The following SLC7A7 variants were observed in gnomAD, a reference collection of about 807,000 sequenced individuals.
SLC7A7 encodes the protein Y+L amino acid transporter 1.
In SLC7A7, 39 loss-of-function variants were observed where a neutral mutation model predicts 47.9. The observed-to-expected ratio is 0.81, with a 90% CI of 0.63 to 1.06. The LOEUF is 1.06. Ranked by LOEUF, SLC7A7 falls within the 50% of genes least tolerant of loss-of-function variation. The pLI is 0.00. For synonymous variants in SLC7A7, 234 were observed against 242.8 expected (o/e 0.96, Z 0.34); for missense variants, 588 against 632.0 (o/e 0.93, Z 0.75).
intron 2 of SLC7A7, among the ~76,000 whole-genome samples, chr14:22,783,436 C>T (rs966173137): frequency 1.5e-4 from 22 of 144,276 alleles, no homozygotes; most frequent in African/African-American, 5.7e-4. Flanking sequence ...AGTCTTGCTC[C>T]GTCCCCCAGG....
intron 2 of SLC7A7, 45 bp from the exon 3 acceptor site, chr14:22,780,096 T>G (rs2038692129): frequency 6.2e-7 from 1 of 1,611,656 alleles, no homozygotes; most frequent in East Asian, 2.2e-5. Flanking sequence ...CTTACCACCC[T>G]AGGGCCTTAG....
At chr14:22,806,678 A>G (rs2039215231) in intron 2 of SLC7A7, among the ~76,000 whole-genome samples, 1 of 152,062 alleles carries the variant, frequency 6.6e-6, no homozygotes, top group Non-Finnish European at 1.5e-5. Context: ...GTGTGCATGA[A>G]GGATTATGGG....
At chr14:22,777,821 C>A (rs1323288977) in intron 4 of SLC7A7, among the ~76,000 whole-genome samples, 1 of 152,230 alleles carries the variant, frequency 6.6e-6, no homozygotes, top group Non-Finnish European at 1.5e-5. Flanking sequence ...TGCCTGTAAT[C>A]CCAGCACTTT....
At chr14:22,801,259 C>T (rs2039107994) in intron 2 of SLC7A7, among the ~76,000 whole-genome samples, 1 of 152,096 alleles carries the variant, frequency 6.6e-6, no homozygotes, top group South Asian at 2.1e-4. Flanking sequence ...TGCAGCCCAC[C>T]CTGAACTCCT....
At chr14:22,783,496 G>A (rs893224206) in intron 2 of SLC7A7, among the ~76,000 whole-genome samples, 1 of 151,756 alleles carries the variant, frequency 6.6e-6, no homozygotes, top group Admixed American at 6.6e-5. Context: ...CGCCTCCTGG[G>A]TTCAAGCGGT....
intron 2 of SLC7A7, among the ~76,000 whole-genome samples, chr14:22,795,427 T>TA (rs2039001989): frequency 1.4e-5 from 2 of 139,404 alleles, no homozygotes; most frequent in Admixed American, 7.8e-5. Context: ...TCTTTCTTTC[T>TA]TTCTTTCTTT....
chr14:22,804,830 C>T (rs917959858), intron 2 of SLC7A7, among the ~76,000 whole-genome samples: 2 of 151,400 alleles, frequency 1.3e-5, no homozygotes, highest in Admixed American at 6.6e-5. Context: ...CCGTCTCTAA[C>T]AATACAAAAT....
intron 2 of SLC7A7, 195 bp from the exon 3 acceptor site, chr14:22,780,246 T>G: frequency 1.7e-6 from 1 of 584,380 alleles, no homozygotes; most frequent in Non-Finnish European, 3.0e-6. Flanking sequence ...GCCTCTATAC[T>G]CCCCACCCCC....
chr14:22,774,176 AC>A, intron 8 of SLC7A7, 60 bp from the exon 9 acceptor site: 1 of 1,600,778 alleles, frequency 6.2e-7, no homozygotes, highest in East Asian at 2.2e-5. Flanking sequence ...AGCTAAAATA[AC>A]CCCACCTCCC....
At position 22,773,467 on chromosome 14, in the gene SLC7A7, A is replaced by AAAGT. The variant is rs2038514986; in HGVS notation, c.*139_*142dup. 1.4e-6 allele frequency: 1 copy of AAAGT among 737,852 alleles called. No individual in the cohort carries two copies. The highest frequency in any genetic ancestry group is 2.5e-6 in the Non-Finnish European group (1 of 403,714). 45.7% of individuals were successfully genotyped at this position (737,852 alleles called of 1,614,324 possible). ...ACAAATAAATTACTTTTCATTTCAA[A>AAAGT]AAGTAAGTTCAAAGGTTGAAGCTGC... On this transcript the variant is annotated 3_prime_UTR_variant, in exon 10 of 10. Transcript: ENST00000674313.
At chr14:22,790,998 C>CAAAA (rs34516291) in intron 2 of SLC7A7, among the ~76,000 whole-genome samples, 3 of 113,268 alleles carry the variant, frequency 2.6e-5, no homozygotes, top group Non-Finnish European at 5.1e-5. Flanking sequence ...CTCCGTCTCA[C>CAAAA]AAAAAAAAAA....
Position 22,774,471 on chromosome 14 carries a change from TTC to T in SLC7A7, c.1126_1127del (p.Glu376ArgfsTer7). 6.2e-7 allele frequency: 1 copy of T among 1,614,128 alleles called. No individual in the cohort carries two copies. Among genetic ancestry groups the T allele is most frequent in the Non-Finnish European group, 8.5e-7 (1 of 1,180,018 alleles). On this transcript the variant is annotated frameshift_variant, in exon 8 of 10. Coordinates refer to ENST00000674313, the MANE Select transcript of SLC7A7 (RefSeq NM_003982.4). LOFTEE classifies it high-confidence loss of function. Reference protein sequence around the residue: ...GIMALIYLCVEDIFQLINYYS... With the variant: ...GIMALIYLCVXDIFQLINYYS... ...AGTAGTTAATGAGCTGGAAGATGTCTTCCACGCACAAGTAGATCAATGCCATG... is the reference window on the plus strand; with the variant it reads ...AGTAGTTAATGAGCTGGAAGATGTCTCACGCACAAGTAGATCAATGCCATG...
intron 3 of SLC7A7, among the ~76,000 whole-genome samples, chr14:22,779,558 G>A (rs1360025253): frequency 6.6e-6 from 1 of 151,824 alleles, no homozygotes; most frequent in South Asian, 2.1e-4. Flanking sequence ...GGATTCAAGC[G>A]ATTCTCCTGC....
intron 1 of SLC7A7, among the ~76,000 whole-genome samples, chr14:22,813,789 ATTTTT>A (rs34654418): frequency 4.2e-5 from 4 of 96,298 alleles, no homozygotes; most frequent in Admixed American, 1.2e-4. Flanking sequence ...CGCGTGGCTA[ATTTTT>A]TTTTTTTTTT....
intron 2 of SLC7A7, among the ~76,000 whole-genome samples, chr14:22,788,781 C>A (rs1410400068): frequency 3.3e-5 from 5 of 151,450 alleles, no homozygotes. Context: ...AATAAGCAAG[C>A]CAGATGCAAA....
intron 3 of SLC7A7, among the ~76,000 whole-genome samples, chr14:22,779,469 G>A (rs1408890830): frequency 4.3e-5 from 6 of 140,472 alleles, no homozygotes; most frequent in East Asian, 2.0e-4. Context: ...TTTTTTTTGG[G>A]GGGGGGACAG....
At chr14:22,803,013 G>C (rs1425831231) in intron 2 of SLC7A7, among the ~76,000 whole-genome samples, 1 of 152,060 alleles carries the variant, frequency 6.6e-6, no homozygotes. Flanking sequence ...CAGATACCAG[G>C]CACTGTTCTA....
At chr14:22,816,612 C>G (rs1408696448), upstream of SLC7A7, 2 of 152,044 alleles carry the variant, frequency 1.3e-5, no homozygotes, top group East Asian at 3.8e-4. Context: ...TTTTGGAAAT[C>G]ACATAGTTTA....
chr14:22,782,320 C>T (rs778851316), intron 2 of SLC7A7, among the ~76,000 whole-genome samples: 9 of 151,668 alleles, frequency 5.9e-5, no homozygotes, highest in East Asian at 1.9e-4. Context: ...CCAGGCTTGT[C>T]GCAAACTCCT....
Sources: gnomAD v4.1 joint callset for allele counts (sites outside exome capture counted in the v4.1 genomes callset) on GRCh38, gnomAD v4.1.1 for gene constraint, MANE v1.5 for transcripts, NCBI Gene and HGNC (gene_info 2026-07-23, HGNC 2026-07-21) for gene names.